Variants in RCSD1 observed in about 807,000 individuals in gnomAD.
RCSD1 encodes the protein RCSD domain containing 1, also known as capZ-interacting protein.
RCSD1 carries 26 observed loss-of-function variants against 42.5 expected under a neutral mutation model. That is an observed-to-expected ratio of 0.61 (90% CI 0.45 to 0.85). RCSD1 has a LOEUF of 0.85. RCSD1 is among the 40% of genes least tolerant of loss of function. The pLI is 0.00. For missense variants in RCSD1, 571 were observed against 528.3 expected (o/e 1.08, Z -0.79); for synonymous variants, 220 against 212.2 (o/e 1.04, Z -0.32).
At chr1:167,646,005 G>A (rs1271589738) in intron 1 of RCSD1, among the ~76,000 whole-genome samples, 3 of 152,156 alleles carry the variant, frequency 2.0e-5, no homozygotes, top group Non-Finnish European at 4.4e-5. Flanking sequence ...GTGAGAGGTG[G>A]CCTTGAGAAT....
At chr1:167,647,601 C>A (rs12749082) in intron 1 of RCSD1, among the ~76,000 whole-genome samples, 33,117 of 151,944 alleles carry the variant, frequency 0.22, 3,865 homozygotes, top group Non-Finnish European at 0.25. Flanking sequence ...AAAAGCAGTG[C>A]ATGGTGGTGC....
intron 6 of RCSD1, among the ~76,000 whole-genome samples, chr1:167,704,006 T>G (rs1269616460): frequency 2.0e-5 from 3 of 152,132 alleles, no homozygotes; most frequent in Admixed American, 1.3e-4. Context: ...CACCCCACCT[T>G]GTACTGTGGT....
chr1:167,630,720 C>CAAAAAAA (rs1657673893), intron 1 of RCSD1: 1 of 3,640 alleles, frequency 2.7e-4, no homozygotes, highest in Non-Finnish European at 9.2e-4. Flanking sequence ...AACTTAAATG[C>CAAAAAAA]TAAAAAAAAA....
chr1:167,632,069 G>T (rs1239214806), intron 1 of RCSD1, among the ~76,000 whole-genome samples: 1 of 152,242 alleles, frequency 6.6e-6, no homozygotes, highest in African/African-American at 2.4e-5. Flanking sequence ...AAGCTCAGCA[G>T]GTGGTGTGCA....
chr1:167,687,037 C>G (rs1659250822), intron 3 of RCSD1, among the ~76,000 whole-genome samples: 1 of 152,176 alleles, frequency 6.6e-6, no homozygotes, highest in African/African-American at 2.4e-5. Flanking sequence ...ACAGCTCCAT[C>G]CTGGCAGCTC....
At chr1:167,656,214 G>A (rs1269462204) in intron 1 of RCSD1, among the ~76,000 whole-genome samples, 1 of 152,152 alleles carries the variant, frequency 6.6e-6, no homozygotes, top group African/African-American at 2.4e-5. Context: ...GGCGCAAGCG[G>A]AGGACTTGAA....
At chr1:167,645,669 A>G (rs1392861270) in intron 1 of RCSD1, among the ~76,000 whole-genome samples, 4 of 152,218 alleles carry the variant, frequency 2.6e-5, no homozygotes, top group Non-Finnish European at 5.9e-5. Context: ...AGCTAGTGTG[A>G]TGAGAAGAAA....
intron 1 of RCSD1, among the ~76,000 whole-genome samples, chr1:167,640,940 G>A (rs1041141829): frequency 6.6e-6 from 1 of 152,158 alleles, no homozygotes; most frequent in African/African-American, 2.4e-5. Flanking sequence ...CTTGGGGATT[G>A]GAGGAGTGAA....
rs1335481169 is a variant in RCSD1, at chr1:167,708,626, T to C, written c.*3930T>C. Among the ~76,000 whole-genome samples the C allele has an allele frequency of 6.6e-6, 1 of 152,218 alleles. No homozygotes were observed. Among genetic ancestry groups the C allele is most frequent in the Non-Finnish European group, 1.5e-5 (1 of 68,034 alleles). On this transcript the variant is annotated 3_prime_UTR_variant, in exon 7 of 7. Coordinates refer to ENST00000367854, the MANE Select transcript of RCSD1 (RefSeq NM_052862.4). The stretch of plus-strand genomic sequence containing the variant: ...TAGCTCTAGGGGAGTACAATGTGTT[T>C]GTATTATTCTTCATTGTACACAGTG...
At chr1:167,675,872 C>T (rs1208304553) in intron 1 of RCSD1, among the ~76,000 whole-genome samples, 2 of 151,976 alleles carry the variant, frequency 1.3e-5, no homozygotes, top group African/African-American at 4.8e-5. Context: ...CACATCTTAG[C>T]TAGCTGGGGC....
At chr1:167,661,429 G>A (rs1189399107) in intron 1 of RCSD1, among the ~76,000 whole-genome samples, 1 of 152,250 alleles carries the variant, frequency 6.6e-6, no homozygotes, top group Non-Finnish European at 1.5e-5. Flanking sequence ...GGCCAGTCTG[G>A]CCTCACTGCC....
chr1:167,675,210 A>G (rs1658914362), intron 1 of RCSD1, among the ~76,000 whole-genome samples: 1 of 146,394 alleles, frequency 6.8e-6, no homozygotes, highest in African/African-American at 2.6e-5. Context: ...CATCTCGGAA[A>G]AAAAAAAAAA....
intron 6 of RCSD1, among the ~76,000 whole-genome samples, chr1:167,698,945 G>T (rs556474307): frequency 7.7e-4 from 117 of 152,038 alleles, no homozygotes; most frequent in African/African-American, 2.6e-3. Context: ...GACCACAGGC[G>T]CCCGCCACCA....
intron 6 of RCSD1, among the ~76,000 whole-genome samples, chr1:167,701,300 C>T (rs1659635423): frequency 6.9e-6 from 1 of 145,786 alleles, no homozygotes; most frequent in African/African-American, 2.6e-5. Flanking sequence ...TTCTTTCTTT[C>T]TTTCTTTCTT....
chr1:167,647,092 T>C (rs144177503), intron 1 of RCSD1, among the ~76,000 whole-genome samples: 17 of 136,650 alleles, frequency 1.2e-4, no homozygotes, highest in Non-Finnish European at 1.8e-4. Context: ...ATCATACCAT[T>C]GCATTCCAGC....
At chr1:167,692,459 A>C (rs1659397204) in intron 4 of RCSD1, among the ~76,000 whole-genome samples, 1 of 151,678 alleles carries the variant, frequency 6.6e-6, no homozygotes, top group African/African-American at 2.4e-5. Flanking sequence ...CAGCATATCA[A>C]CCTGCACGGC....
At chr1:167,630,475 T>C (rs1657667982) in intron 1 of RCSD1, 46 bp downstream of exon 1, 1 of 1,506,874 alleles carries the variant, frequency 6.6e-7, no homozygotes, top group Non-Finnish European at 8.9e-7. Flanking sequence ...GTGAGCGGTG[T>C]ATCGGGCGCC....
At position 167,697,708 on chromosome 1, in the gene RCSD1, C is replaced by A. The variant is rs1438174853; in HGVS notation, c.1084C>A (p.Pro362Thr). Residue 362 changes from proline (P) to threonine (T), a missense_variant, in exon 6 of 7, where the codon CCC becomes ACC. Coordinates refer to ENST00000367854, the MANE Select transcript of RCSD1 (RefSeq NM_052862.4). ...TGGAGGAGTGAAGGGCGGAGATGTC[C>A]CCAAGCAGGAAAAAGGCAAGGAAAA... ...PPGGVKGGDV[P>T]KQEKGKEKQQ... The A allele has an allele frequency of 1.9e-6, 3 of 1,596,146 alleles. No individual in the cohort carries two copies. In the East Asian group the frequency reaches 6.8e-5, roughly 36 times the overall value.
At chr1:167,683,104 G>A (rs1425327758) in intron 1 of RCSD1, among the ~76,000 whole-genome samples, 2 of 152,164 alleles carry the variant, frequency 1.3e-5, no homozygotes, top group Non-Finnish European at 1.5e-5. Context: ...AGGGAACCTG[G>A]GGGCACCTCA....
Sources: allele counts gnomAD v4.1 joint callset (sites outside exome capture counted in the v4.1 genomes callset), GRCh38; gene constraint gnomAD v4.1.1; transcripts MANE v1.5; gene names NCBI Gene and HGNC (gene_info 2026-07-23, HGNC 2026-07-21).